The following BAZ1A variants were observed in gnomAD, a reference collection of about 807,000 sequenced individuals.
The protein encoded by BAZ1A is bromodomain adjacent to zinc finger domain 1A, also known as bromodomain adjacent to zinc finger domain protein 1A.
In BAZ1A, 50 loss-of-function variants were observed where a neutral mutation model predicts 185.2. The ratio of observed to expected loss-of-function variants is 0.27; its 90% confidence interval spans 0.22 to 0.34. BAZ1A has a LOEUF of 0.34. Among genes scored for constraint, BAZ1A ranks in the 10% least tolerant of loss-of-function variants. The pLI is 1.00. For missense variants in BAZ1A, 1,356 were observed against 1,839.9 expected (o/e 0.74, Z 4.81); for synonymous variants, 571 against 615.6 (o/e 0.93, Z 1.07).
At chr14:34,839,756 C>T (rs563358209) in intron 3 of BAZ1A, among the ~76,000 whole-genome samples, 31 of 147,252 alleles carry the variant, frequency 2.1e-4, no homozygotes, top group Non-Finnish European at 3.0e-4. Flanking sequence ...GGCAGAATGG[C>T]GTGAACCTGG....
At position 34,780,172 on chromosome 14, in the gene BAZ1A, A is replaced by C; in HGVS notation, c.2236+14T>G. On this transcript the variant is annotated intron_variant, in intron 17 of 26. Transcript: ENST00000360310. ...CAAATACACAAGAATGCCCTAAAGAAATTTCAGTATTACCCCTTCTGCCTC... is the reference window on the plus strand; with the variant it reads ...CAAATACACAAGAATGCCCTAAAGACATTTCAGTATTACCCCTTCTGCCTC... 1 of 1,611,922 alleles carries C rather than the reference A, an allele frequency of 6.2e-7. No individual in the cohort carries two copies. The highest frequency in any genetic ancestry group is 1.7e-5 in the Admixed American group (1 of 59,642).
chr14:34,766,922 TTAATA>T (rs1878883695), intron 21 of BAZ1A, among the ~76,000 whole-genome samples: 1 of 151,964 alleles, frequency 6.6e-6, no homozygotes, highest in Non-Finnish European at 1.5e-5. Context: ...TAAAATAACT[TTAATA>T]TGTTTTAAGA....
At chr14:34,828,315 A>G in intron 3 of BAZ1A, among the ~76,000 whole-genome samples, 1 of 150,884 alleles carries the variant, frequency 6.6e-6, no homozygotes, top group African/African-American at 2.4e-5. Flanking sequence ...AAAAAAAAAA[A>G]TACTCCTTAA....
chr14:34,856,984 C>T (rs1215940814), intron 3 of BAZ1A, among the ~76,000 whole-genome samples: 1 of 150,802 alleles, frequency 6.6e-6, no homozygotes, highest in Non-Finnish European at 1.5e-5. Flanking sequence ...TGATACATTA[C>T]TTCCTGAGGC....
At chr14:34,767,421 G>A (rs1878924254) in intron 21 of BAZ1A, among the ~76,000 whole-genome samples, 1 of 152,076 alleles carries the variant, frequency 6.6e-6, no homozygotes, top group Non-Finnish European at 1.5e-5. Context: ...GTGGTTGCAG[G>A]TGCCTGTAGT....
chr14:34,875,342 T>C lies in BAZ1A; in HGVS notation c.-263A>G. On this transcript the variant is annotated 5_prime_UTR_variant, in exon 1 of 27. Coordinates refer to ENST00000360310, the MANE Select transcript of BAZ1A (RefSeq NM_013448.3). The stretch of plus-strand genomic sequence containing the variant: ...CTCGGAGCTCCTGGGAAGTTTCTGA[T>C]CTACTTTCGGCTCTGAAGGAGGAAG... 1 of 456,054 alleles carries C rather than the reference T, an allele frequency of 2.2e-6. No individual in the cohort carries two copies. Among genetic ancestry groups the C allele is most frequent in the East Asian group, 7.0e-5 (1 of 14,378 alleles). 28.3% of individuals were successfully genotyped at this position (456,054 alleles called of 1,614,324 possible). A position where few individuals can be genotyped will look rare whatever the true frequency, so the allele number is the denominator to read the frequency against.
rs1273994455 is a variant in BAZ1A, at chr14:34,874,508, T to C, written c.97A>G (p.Ile33Val). ...EVFYCKVTNE[I>V]FRHYDDFFER... ...GGCTCTTACTCGTAGTGGCGGAAGATCTCGTTGGTGACTTTACAGTAGAAA... is the reference window on the plus strand; with the variant it reads ...GGCTCTTACTCGTAGTGGCGGAAGACCTCGTTGGTGACTTTACAGTAGAAA... The change falls in exon 2 of 27, where the codon ATC becomes GTC. Residue 33 changes from isoleucine to valine, a missense_variant. By Grantham distance (29) the Ile-to-Val change is conservative. Coordinates refer to ENST00000360310, the MANE Select transcript of BAZ1A (RefSeq NM_013448.3). The surrounding 1 kb of genome is among the most constrained non-coding windows in gnomAD (Gnocchi z 4.7). The C allele has an allele frequency of 1.2e-6, 2 of 1,611,952 alleles. No homozygotes were observed. The highest frequency in any genetic ancestry group is 3.3e-5 in the Admixed American group (2 of 59,948).
At chr14:34,803,459 G>A (rs777595586) in intron 6 of BAZ1A, among the ~76,000 whole-genome samples, 2 of 151,298 alleles carry the variant, frequency 1.3e-5, no homozygotes, top group Non-Finnish European at 2.9e-5. Flanking sequence ...ATTTTAGTTG[G>A]TTTAACCAAT....
intron 24 of BAZ1A, among the ~76,000 whole-genome samples, chr14:34,759,847 G>A (rs1886448473): frequency 6.6e-6 from 1 of 151,892 alleles, no homozygotes; most frequent in Non-Finnish European, 1.5e-5. Context: ...GCTAATTTTT[G>A]TATTTTTAGT....
chr14:34,808,909 T>A (rs1385448390), intron 5 of BAZ1A, among the ~76,000 whole-genome samples: 1 of 152,210 alleles, frequency 6.6e-6, no homozygotes, highest in Non-Finnish European at 1.5e-5. Context: ...CAATATATGA[T>A]TTTTAAGTAG....
intron 23 of BAZ1A, 43 bp from the exon 24 acceptor site, chr14:34,762,266 G>GATGA: frequency 6.5e-7 from 1 of 1,550,006 alleles, no homozygotes; most frequent in Non-Finnish European, 8.8e-7. Context: ...ACAGAGCAAT[G>GATGA]ATGAACATAT....
At chr14:34,832,684 G>A (rs1031876985) in intron 3 of BAZ1A, among the ~76,000 whole-genome samples, 36 of 152,056 alleles carry the variant, frequency 2.4e-4, no homozygotes, top group African/African-American at 6.8e-4. Context: ...TAATAAGAAT[G>A]TAGAGGAAAT....
chr14:34,801,145 C>T lies in BAZ1A; in HGVS notation c.910G>A (p.Ala304Thr), dbSNP rs151120982. 15 of 1,606,524 alleles carry T rather than the reference C, an allele frequency of 9.3e-6. No homozygotes were observed. The highest frequency in any genetic ancestry group is 1.3e-5 in the Non-Finnish European group (15 of 1,177,968). The change falls in exon 8 of 27, where the codon GCT becomes ACT. Residue 304 changes from alanine to threonine, a missense_variant. Physicochemically the swap from Ala to Thr is moderately conservative, Grantham distance 58 (BLOSUM62 0). Transcript: ENST00000360310. ...AAAAGTTTATCTCTTTCTTTAGTAG[C>T]TTTGCTCCTATAACTTGCAAGAGTC... The part of the protein sequence containing the change: ...KQTLASYRSK[A>T]TKERDKLLKQ...
chr14:34,815,776 A>G (rs1195380211), intron 4 of BAZ1A, among the ~76,000 whole-genome samples: 2 of 152,214 alleles, frequency 1.3e-5, no homozygotes, highest in Non-Finnish European at 2.9e-5. Context: ...TACTTTCAAC[A>G]TAAAGGTTTC....
chr14:34,840,810 T>C (rs191151083), intron 3 of BAZ1A, among the ~76,000 whole-genome samples: 2 of 152,058 alleles, frequency 1.3e-5, no homozygotes, highest in African/African-American at 4.8e-5. Context: ...AAACTTATAC[T>C]TATTACTCCC....
chr14:34,810,468 T>A (rs2041914639), intron 5 of BAZ1A, among the ~76,000 whole-genome samples: 1 of 152,238 alleles, frequency 6.6e-6, no homozygotes, highest in Non-Finnish European at 1.5e-5. Context: ...GTTTGTCTAA[T>A]GAATACTACA....
At chr14:34,798,167 T>A (rs893674229) in intron 9 of BAZ1A, among the ~76,000 whole-genome samples, 1 of 152,230 alleles carries the variant, frequency 6.6e-6, no homozygotes, top group Non-Finnish European at 1.5e-5. Context: ...TGCTGAGGCT[T>A]GAGTAGGTAA....
intron 1 of BAZ1A, 76 bp downstream of exon 1, chr14:34,875,062 C>T (rs2043025512): frequency 6.0e-6 from 2 of 335,964 alleles, no homozygotes; most frequent in African/African-American, 2.2e-5. Context: ...CGGGCGGACC[C>T]CGGAGCTGCT....
chr14:34,764,057 G>A (rs1018634442), intron 23 of BAZ1A, among the ~76,000 whole-genome samples: 4 of 152,088 alleles, frequency 2.6e-5, no homozygotes, highest in Non-Finnish European at 5.9e-5. Context: ...ACACTCATTC[G>A]CTAGGCCTGA....
Sources: gnomAD v4.1 joint callset for allele counts (sites outside exome capture counted in the v4.1 genomes callset) on GRCh38, gnomAD v4.1.1 for gene constraint, Gnocchi (gnomAD v3.1) non-coding constraint, MANE v1.5 for transcripts, NCBI Gene and HGNC (gene_info 2026-07-23, HGNC 2026-07-21) for gene names.